The following SGMS2 variants were observed in gnomAD, a reference collection of about 807,000 sequenced individuals.
SGMS2 encodes sphingomyelin synthase 2.
A neutral mutation model predicts 43.8 loss-of-function variants in SGMS2; 21 were observed. That is an observed-to-expected ratio of 0.48 (90% CI 0.34 to 0.69). The LOEUF is 0.69. Ranked by LOEUF, SGMS2 falls within the 30% of genes least tolerant of loss-of-function variation. SGMS2 has a pLI of 0.01. For synonymous variants in SGMS2, 167 were observed against 160.6 expected, an observed-to-expected ratio of 1.04 and a Z score of -0.30; for missense variants, 384 against 443.2, an observed-to-expected ratio of 0.87 and a Z score of 1.20.
chr4:107,878,003 C>T (rs530549768), intron 2 of SGMS2, among the ~76,000 whole-genome samples: 2 of 150,878 alleles, frequency 1.3e-5, no homozygotes, highest in East Asian at 3.9e-4. Flanking sequence ...GCAACCTCCA[C>T]CTCCCGGGTT....
chr4:107,863,315 T>A (rs746652560), intron 2 of SGMS2, among the ~76,000 whole-genome samples: 1 of 152,194 alleles, frequency 6.6e-6, no homozygotes, highest in Non-Finnish European at 1.5e-5. Flanking sequence ...GACTACCCTA[T>A]ACAGTAGTTG....
chr4:107,904,510 G>A (rs1731383832), intron 5 of SGMS2, among the ~76,000 whole-genome samples: 1 of 152,202 alleles, frequency 6.6e-6, no homozygotes, highest in Admixed American at 6.5e-5. Context: ...AAGATGACAA[G>A]AGTTGAGGTT....
intron 2 of SGMS2, among the ~76,000 whole-genome samples, chr4:107,878,763 A>T (rs899398227): frequency 1.3e-5 from 2 of 152,172 alleles, no homozygotes; most frequent in Non-Finnish European, 2.9e-5. Context: ...CTCTCTTTCC[A>T]AAATATGCTA....
chr4:107,863,319 G>C (rs1032293660), intron 2 of SGMS2, among the ~76,000 whole-genome samples: 1 of 152,140 alleles, frequency 6.6e-6, no homozygotes, highest in Admixed American at 6.5e-5. Flanking sequence ...ACCCTATACA[G>C]TAGTTGTGTG....
In SGMS2 at chr4:107,903,499, G is replaced by A. The variant is rs17563907; in HGVS notation, c.727+113G>A. Reference sequence around the variant, plus strand: ...GGGATTGATAAGCTGTGAAAGAGACGGATGTGTGTGTATATATGTATGTGA... The same window carrying A: ...GGGATTGATAAGCTGTGAAAGAGACAGATGTGTGTGTATATATGTATGTGA... On this transcript the variant is annotated intron_variant, in intron 5 of 6. Transcript: ENST00000690982. The A allele has an allele frequency of 0.081, 72,268 of 895,106 alleles. 3,607 individuals carry two copies. Among genetic ancestry groups the A allele is most frequent in the Non-Finnish European group, 0.096 (55,765 of 578,638 alleles). 55.4% of individuals were successfully genotyped at this position (895,106 alleles called of 1,614,324 possible). A position where few individuals can be genotyped will look rare whatever the true frequency, so the allele number is the denominator to read the frequency against.
intron 5 of SGMS2, among the ~76,000 whole-genome samples, chr4:107,906,132 A>ACT (rs1287887844): frequency 6.6e-6 from 1 of 152,210 alleles, no homozygotes; most frequent in Non-Finnish European, 1.5e-5. Flanking sequence ...GTTCTGAGTA[A>ACT]GCAGTGGTTC....
At chr4:107,883,433 G>A (rs1729511868) in intron 2 of SGMS2, among the ~76,000 whole-genome samples, 2 of 152,164 alleles carry the variant, frequency 1.3e-5, no homozygotes, top group African/African-American at 4.8e-5. Context: ...TTGTCCCTCA[G>A]CCTCCCAAGT....
chr4:107,908,817 TG>T (rs2126162002), intron 6 of SGMS2, 86 bp downstream of exon 6: 1 of 1,216,130 alleles, frequency 8.2e-7, no homozygotes, highest in African/African-American at 1.5e-5. Context: ...GATAGCCTAA[TG>T]GGGATAACCG....
At chr4:107,909,306 T>A (rs1174403897) in intron 6 of SGMS2, among the ~76,000 whole-genome samples, 1 of 152,142 alleles carries the variant, frequency 6.6e-6, no homozygotes, top group Non-Finnish European at 1.5e-5. Context: ...AGACAGGGTT[T>A]CACCATGTTG....
At chr4:107,884,616 TC>T (rs1729602991) in intron 2 of SGMS2, among the ~76,000 whole-genome samples, 1 of 152,176 alleles carries the variant, frequency 6.6e-6, no homozygotes, top group South Asian at 2.1e-4. Flanking sequence ...ACACATCTGC[TC>T]ACTGAGATAA....
chr4:107,832,111 T>G (rs970565452), intron 1 of SGMS2, among the ~76,000 whole-genome samples: 1 of 152,206 alleles, frequency 6.6e-6, no homozygotes, highest in African/African-American at 2.4e-5. Context: ...TATTTGCATT[T>G]GTTCAGCGAG....
At chr4:107,843,591 C>T (rs1210356992) in intron 1 of SGMS2, among the ~76,000 whole-genome samples, 1 of 152,206 alleles carries the variant, frequency 6.6e-6, no homozygotes, top group Non-Finnish European at 1.5e-5. Context: ...GGTCAACCTC[C>T]ATCCTCTGGG....
chr4:107,875,108 TA>T (rs947281441), intron 2 of SGMS2, among the ~76,000 whole-genome samples: 2 of 152,208 alleles, frequency 1.3e-5, no homozygotes, highest in Non-Finnish European at 2.9e-5. Flanking sequence ...TACAGTTTCA[TA>T]CCACTTGAAA....
At chr4:107,868,498 C>G (rs1397091299) in intron 2 of SGMS2, among the ~76,000 whole-genome samples, 1 of 152,112 alleles carries the variant, frequency 6.6e-6, no homozygotes, top group Non-Finnish European at 1.5e-5. Context: ...GGGTGGATCA[C>G]CTGAGGTCAG....
chr4:107,879,351 G>C (rs920274760), intron 2 of SGMS2, among the ~76,000 whole-genome samples: 14 of 152,054 alleles, frequency 9.2e-5, no homozygotes, highest in African/African-American at 3.4e-4. Flanking sequence ...CAAAAGTAGT[G>C]CTCAGCTGGT....
rs546346531 is a variant in SGMS2, at chr4:107,910,174, G to A, written c.895-176G>A. On this transcript the variant is annotated intron_variant, in intron 6 of 6. Coordinates refer to ENST00000690982, the MANE Select transcript of SGMS2 (RefSeq NM_001375905.1). Reference sequence around the variant, plus strand: ...CCACAAAGGAAAGAAAGACACCTAGGTGTGTTAGGGGAGCGGAGTCATGGT... The same window carrying A: ...CCACAAAGGAAAGAAAGACACCTAGATGTGTTAGGGGAGCGGAGTCATGGT... 5.3e-5 allele frequency among the ~76,000 whole-genome samples: 8 copies of A among 152,294 alleles called. No individual in the cohort carries two copies. The South Asian group carries it at 1.7e-3, about 32-fold the overall frequency.
chr4:107,870,893 A>G (rs1728514482), intron 2 of SGMS2, among the ~76,000 whole-genome samples: 1 of 152,142 alleles, frequency 6.6e-6, no homozygotes, highest in Admixed American at 6.5e-5. Context: ...TTTTATTTAT[A>G]TAGAGTCATC....
At chr4:107,866,458 C>A (rs577697904) in intron 2 of SGMS2, among the ~76,000 whole-genome samples, 1 of 151,950 alleles carries the variant, frequency 6.6e-6, no homozygotes, top group Middle Eastern at 3.4e-3. Context: ...CCTAGCTACT[C>A]AGGAGGCTGA....
intron 2 of SGMS2, chr4:107,892,956 C>T (rs557502349): frequency 1.3e-5 from 2 of 152,040 alleles, no homozygotes; most frequent in African/African-American, 4.8e-5. Flanking sequence ...AACATTTCGT[C>T]CCAAGATTTG....
Sources: gnomAD v4.1 joint callset for allele counts (sites outside exome capture counted in the v4.1 genomes callset) on GRCh38, gnomAD v4.1.1 for gene constraint, MANE v1.5 for transcripts, NCBI Gene and HGNC (gene_info 2026-07-23, HGNC 2026-07-21) for gene names.